The following ADAT1 variants were observed in gnomAD, a reference collection of about 807,000 sequenced individuals.
The protein encoded by ADAT1 is adenosine deaminase tRNA specific 1.
In ADAT1, 58 loss-of-function variants were observed where a neutral mutation model predicts 58.6. The observed-to-expected ratio is 0.99, with a 90% CI of 0.80 to 1.23. The LOEUF is 1.23. Among genes scored for constraint, ADAT1 ranks in the 50% most tolerant of loss-of-function variants. The pLI, the probability that ADAT1 is intolerant of heterozygous loss-of-function variation, is 0.00. For synonymous variants in ADAT1, 254 were observed against 220.8 expected (o/e 1.15, Z -1.33); for missense variants, 741 against 608.6 (o/e 1.22, Z -2.29).
At chr16:75,614,999 C>T (rs1056401169) in intron 5 of ADAT1, among the ~76,000 whole-genome samples, 6 of 151,810 alleles carry the variant, frequency 4.0e-5, no homozygotes, top group African/African-American at 1.2e-4. Flanking sequence ...CCGAGGTGGG[C>T]GAATCACTTG....
In ADAT1 at chr16:75,600,187, G is replaced by A; in HGVS notation, c.*29C>T. ...GGAGGAAGGCAGTTCAGGATGAAGG[G>A]TCCTGCTACCAGAGCAAACATTTCC... On this transcript the variant is annotated 3_prime_UTR_variant, in exon 10 of 10. Transcript: ENST00000564657. The A allele has an allele frequency of 6.2e-7, 1 of 1,613,254 alleles. No individual in the cohort carries two copies. Among genetic ancestry groups the A allele is most frequent in the Non-Finnish European group, 8.5e-7 (1 of 1,179,302 alleles).
chr16:75,617,280 T>C lies in ADAT1; in HGVS notation c.294-8A>G. 6.2e-7 allele frequency: 1 copy of C among 1,610,210 alleles called. No homozygotes were observed. The highest frequency in any genetic ancestry group is 8.5e-7 in the Non-Finnish European group (1 of 1,176,902). ...AGTTGGTGGAGAAGGTACCTAAGGG[T>C]TGCAAGATGTTATTAGGATGAACAA... On this transcript the variant is annotated splice_region_variant and splice_polypyrimidine_tract_variant and intron_variant, in intron 4 of 9. Transcript: ENST00000564657.
chr16:75,600,086 T>A lies in ADAT1; in HGVS notation c.*130A>T. 1 of 1,520,876 alleles carries A rather than the reference T, an allele frequency of 6.6e-7. No homozygotes were observed. The highest frequency in any genetic ancestry group is 2.3e-5 in the East Asian group (1 of 43,890). The allele number at this position is 1,520,876 out of a possible 1,614,324, so 94.2% of individuals were successfully genotyped here. A position where few individuals can be genotyped will look rare whatever the true frequency, so the allele number is the denominator to read the frequency against. The stretch of plus-strand genomic sequence containing the variant: ...TCTAAGTTCCAGATTCCATCTGTAT[T>A]ACACAACAGAGATGCAAAGCTCAGA... On this transcript the variant is annotated 3_prime_UTR_variant, in exon 10 of 10. Coordinates refer to ENST00000564657, the MANE Select transcript of ADAT1 (RefSeq NM_001324445.2).
In ADAT1 at chr16:75,608,253, T is replaced by C. The variant is rs574116567; in HGVS notation, c.1260A>G (p.Thr420=). Residue 420 remains threonine, a synonymous_variant, in exon 8 of 10, where the codon ACA becomes ACG. Coordinates refer to ENST00000564657, the MANE Select transcript of ADAT1 (RefSeq NM_001324445.2). ...VTANGFPQGT[T]KKTIGSLQAR... is the part of the protein sequence containing the mutation. The stretch of plus-strand genomic sequence containing the variant: ...CCTGAAGGCTTCCAATTGTTTTCTT[T>C]GTTGTTCCCTGTGGAAAGCCATTGG... 7.4e-6 allele frequency: 12 copies of C among 1,614,106 alleles called. No individual in the cohort carries two copies. Among genetic ancestry groups the C allele is most frequent in the African/African-American group, 6.7e-5 (5 of 75,048 alleles).
chr16:75,608,928 C>G lies in ADAT1; in HGVS notation c.1104G>C (p.Gln368His). Residue 368 changes from glutamine (Q) to histidine (H), a missense_variant, in exon 7 of 10, where the codon CAG becomes CAC. Gln to His is a conservative substitution (Grantham distance 24, BLOSUM62 0). Coordinates refer to ENST00000564657, the MANE Select transcript of ADAT1 (RefSeq NM_001324445.2). ...GGCTCTGTTCAAATAGTAAATCTGA[C>G]TGCAGTATTTTTAATTCTTGAACTC... ...GFGVQELKILQSDLLFEQSRS... is the reference protein window; with the variant it reads ...GFGVQELKILHSDLLFEQSRS... 1 of 1,614,198 alleles carries G rather than the reference C, an allele frequency of 6.2e-7. No homozygotes were observed. Among genetic ancestry groups the G allele is most frequent in the Non-Finnish European group, 8.5e-7 (1 of 1,180,030 alleles).
chr16:75,605,564 G>A (rs535452365), intron 8 of ADAT1, among the ~76,000 whole-genome samples: 1 of 152,228 alleles, frequency 6.6e-6, no homozygotes, highest in South Asian at 2.1e-4. Flanking sequence ...ATTTTTGACT[G>A]CAAGGTGGGT....
chr16:75,615,051 CCT>C (rs1295421592), intron 5 of ADAT1, among the ~76,000 whole-genome samples: 3 of 151,958 alleles, frequency 2.0e-5, no homozygotes, highest in East Asian at 3.9e-4. Flanking sequence ...GTGGTGAAAC[CCT>C]GTTTCTACTA....
rs2081428200 is a variant in ADAT1, at chr16:75,608,457, T to C, written c.1190-134A>G. 4.6e-5 allele frequency: 33 copies of C among 717,962 alleles called. No individual in the cohort carries two copies. In the South Asian group the frequency reaches 5.2e-4, roughly 11 times the overall value. The allele number at this position is 717,962 out of a possible 1,614,324, so 44.5% of individuals were successfully genotyped here. ...ATGATGTCACAGACAATGACTGCTA[T>C]TGGATGCTTGGCCTCCAGGGTACAG... On this transcript the variant is annotated intron_variant, in intron 7 of 9. Coordinates refer to ENST00000564657, the MANE Select transcript of ADAT1 (RefSeq NM_001324445.2).
intron 8 of ADAT1, among the ~76,000 whole-genome samples, chr16:75,604,846 G>T (rs1247766438): frequency 3.3e-5 from 5 of 152,092 alleles, no homozygotes; most frequent in African/African-American, 1.2e-4. Context: ...CACAGTAAGA[G>T]AAATAAAAGG....
chr16:75,616,673 T>C (rs1319742669), intron 5 of ADAT1, among the ~76,000 whole-genome samples: 1 of 152,232 alleles, frequency 6.6e-6, no homozygotes, highest in Non-Finnish European at 1.5e-5. Context: ...ACCATGACTG[T>C]CTACATTTCC....
chr16:75,615,629 G>C (rs1209610237), intron 5 of ADAT1, among the ~76,000 whole-genome samples: 2 of 151,916 alleles, frequency 1.3e-5, no homozygotes, highest in Middle Eastern at 3.2e-3. Flanking sequence ...AGACAAGTTT[G>C]GATTAGGCCA....
At chr16:75,620,135 T>C in intron 3 of ADAT1, 131 bp downstream of exon 3, 1 of 863,722 alleles carries the variant, frequency 1.2e-6, no homozygotes, top group Non-Finnish European at 1.9e-6. Flanking sequence ...TCCTTCCAAC[T>C]GGACTGATAG....
In ADAT1 at chr16:75,622,460, T is replaced by G. The variant is rs1338536284; in HGVS notation, c.-79A>C. 1 of 152,112 alleles carries G rather than the reference T, an allele frequency of 6.6e-6. No individual in the cohort carries two copies. The highest frequency in any genetic ancestry group is 2.4e-5 in the African/African-American group (1 of 41,420). 9.4% of individuals were successfully genotyped at this position (152,112 alleles called of 1,614,324 possible). On this transcript the variant is annotated 5_prime_UTR_variant, in exon 1 of 10. It removes an upstream start codon present in the reference 5' UTR. Coordinates refer to ENST00000564657, the MANE Select transcript of ADAT1 (RefSeq NM_001324445.2). Reference sequence around the variant, plus strand: ...ATAGTTTATGAAGACCACCTGGCCATCGACCTGAAATTAAACCAGAGGTGC... The same window carrying G: ...ATAGTTTATGAAGACCACCTGGCCAGCGACCTGAAATTAAACCAGAGGTGC...
intron 5 of ADAT1, among the ~76,000 whole-genome samples, chr16:75,613,232 G>A (rs2081605044): frequency 6.6e-6 from 1 of 152,180 alleles, no homozygotes; most frequent in Admixed American, 6.5e-5. Flanking sequence ...TTTTAACAAA[G>A]ATCTGAGCTA....
chr16:75,606,006 C>A (rs2081360427), intron 8 of ADAT1, among the ~76,000 whole-genome samples: 1 of 140,074 alleles, frequency 7.1e-6, no homozygotes, highest in Non-Finnish European at 1.5e-5. Context: ...AATTATCATT[C>A]TTTTGGGTTT....
chr16:75,597,381 C>T lies in ADAT1; in HGVS notation c.*2835G>A, dbSNP rs2081096966. 2.2e-6 allele frequency: 1 copy of T among 450,914 alleles called. No homozygotes were observed. Among genetic ancestry groups the T allele is most frequent in the Admixed American group, 2.4e-5 (1 of 41,894 alleles). The allele number at this position is 450,914 out of a possible 1,614,324, so 27.9% of individuals were successfully genotyped here. On this transcript the variant is annotated 3_prime_UTR_variant, in exon 10 of 10. Coordinates refer to ENST00000564657, the MANE Select transcript of ADAT1 (RefSeq NM_001324445.2). ...CCACAAGCCAAGGACTGCCAGGAGC[C>T]ATCAGAAGCTAAGGAGGAAGCATGA...
intron 5 of ADAT1, among the ~76,000 whole-genome samples, chr16:75,615,390 G>GTAT (rs144667778): frequency 0.055 from 7,716 of 140,924 alleles, 686 homozygotes; most frequent in African/African-American, 0.19. Context: ...TAAGTGTCCA[G>GTAT]TATTTTGGCT....
intron 3 of ADAT1, chr16:75,619,636 T>C (rs755550213): frequency 2.2e-6 from 1 of 455,258 alleles, no homozygotes; most frequent in South Asian, 1.5e-5. Flanking sequence ...GCTTACCAGG[T>C]GCGGTGGCTC....
In ADAT1 at chr16:75,599,851, C is replaced by T. The variant is rs1461880380; in HGVS notation, c.*365G>A. The stretch of plus-strand genomic sequence containing the variant: ...AGGCAAAGCTGTAAAACTTGCAGAG[C>T]GTCAAACATCATTTCAGCTCAATAA... On this transcript the variant is annotated 3_prime_UTR_variant, in exon 10 of 10. Transcript: ENST00000564657. 12 of 1,003,498 alleles carry T rather than the reference C, an allele frequency of 1.2e-5. No individual in the cohort carries two copies. Among genetic ancestry groups the T allele is most frequent in the African/African-American group, 1.7e-5 (1 of 57,818 alleles). The allele number at this position is 1,003,498 out of a possible 1,614,324, so 62.2% of individuals were successfully genotyped here. A position where few individuals can be genotyped will look rare whatever the true frequency, so the allele number is the denominator to read the frequency against.
Sources: gnomAD v4.1 joint callset for allele counts (sites outside exome capture counted in the v4.1 genomes callset) on GRCh38, gnomAD v4.1.1 for gene constraint, MANE v1.5 for transcripts, NCBI Gene and HGNC (gene_info 2026-07-23, HGNC 2026-07-21) for gene names.